ADAMTSL1: variants seen among roughly 807,000 people sequenced by gnomAD.
ADAMTSL1 encodes ADAMTS-like protein 1.
ADAMTSL1 carries 126 observed loss-of-function variants against 201.8 expected under a neutral mutation model. That is an observed-to-expected ratio of 0.62 (90% CI 0.54 to 0.72). The LOEUF (loss-of-function observed/expected upper bound fraction) is 0.72. Among genes scored for constraint, ADAMTSL1 ranks in the 30% least tolerant of loss-of-function variants. The probability of loss-of-function intolerance (pLI) is 0.00; values close to 1 mark genes in which losing one functional copy is unlikely to be tolerated. For missense variants in ADAMTSL1, 2,679 were observed against 2,277.8 expected (o/e 1.18, Z -3.59); for synonymous variants, 1,121 against 903.4 (o/e 1.24, Z -4.32).
At chr9:18,720,372 T>G (rs1323130660) in intron 14 of ADAMTSL1, among the ~76,000 whole-genome samples, 2 of 152,216 alleles carry the variant, frequency 1.3e-5, no homozygotes, top group Non-Finnish European at 2.9e-5. Flanking sequence ...GAATGATGCA[T>G]GCCAAGCTCT....
At chr9:18,065,504 A>T (rs1822654362) in intron 1 of ADAMTSL1, among the ~76,000 whole-genome samples, 1 of 152,182 alleles carries the variant, frequency 6.6e-6, no homozygotes, top group African/African-American at 2.4e-5. Context: ...AGTTAACTTA[A>T]AAGTGAACTT....
chr9:18,140,808 C>T (rs1826366462), intron 1 of ADAMTSL1, among the ~76,000 whole-genome samples: 1 of 152,084 alleles, frequency 6.6e-6, no homozygotes, highest in African/African-American at 2.4e-5. Flanking sequence ...TTCTGCACAC[C>T]ATCAAAAAAT....
At chr9:18,390,732 C>T (rs112702484) in intron 2 of ADAMTSL1, among the ~76,000 whole-genome samples, 5 of 152,016 alleles carry the variant, frequency 3.3e-5, no homozygotes, top group Non-Finnish European at 5.9e-5. Flanking sequence ...TCAGCACCAA[C>T]GTTTTCTCGA....
chr9:17,907,698 T>A (rs1432166680), intron 1 of ADAMTSL1, among the ~76,000 whole-genome samples: 1 of 152,164 alleles, frequency 6.6e-6, no homozygotes, highest in Non-Finnish European at 1.5e-5. Flanking sequence ...AGTGGTTTAT[T>A]ATCACAAGAC....
intron 2 of ADAMTSL1, among the ~76,000 whole-genome samples, chr9:18,362,603 T>C (rs7028032): frequency 0.57 from 86,284 of 152,056 alleles, 24,640 homozygotes; most frequent in East Asian, 0.64. Flanking sequence ...CCAAAACATA[T>C]AATCCATAAT....
At chr9:18,159,523 T>C (rs1338492577) in intron 1 of ADAMTSL1, among the ~76,000 whole-genome samples, 1 of 152,040 alleles carries the variant, frequency 6.6e-6, no homozygotes, top group Non-Finnish European at 1.5e-5. Context: ...CATAATCAGC[T>C]CCCATCATAA....
intron 2 of ADAMTSL1, among the ~76,000 whole-genome samples, chr9:18,402,957 T>A (rs1818041716): frequency 6.6e-6 from 1 of 152,146 alleles, no homozygotes; most frequent in South Asian, 2.1e-4. Flanking sequence ...CAGAATCTTA[T>A]GAGGTTGACT....
Position 18,660,984 on chromosome 9 carries a change from C to T in ADAMTSL1, c.947-951C>T, listed in dbSNP as rs537901846. Among the ~76,000 whole-genome samples the T allele has an allele frequency of 3.9e-5, 6 of 152,118 alleles. No individual in the cohort carries two copies. In the South Asian group the frequency reaches 1.2e-3, roughly 32 times the overall value. On this transcript the variant is annotated intron_variant, in intron 8 of 28. Transcript: ENST00000380548. Reference sequence around the variant, plus strand: ...TGTATTTAGCAATAACCGTGTTCAACCCACCTGCTAGGGATAATGTATTTG... The same window carrying T: ...TGTATTTAGCAATAACCGTGTTCAATCCACCTGCTAGGGATAATGTATTTG...
chr9:18,742,210 C>T (rs557025925), intron 15 of ADAMTSL1, among the ~76,000 whole-genome samples: 26 of 152,242 alleles, frequency 1.7e-4, no homozygotes, highest in African/African-American at 6.0e-4. Flanking sequence ...GGAATTAAGA[C>T]TAATATATCT....
intron 1 of ADAMTSL1, among the ~76,000 whole-genome samples, chr9:18,086,455 A>G (rs1365140210): frequency 6.6e-6 from 1 of 152,184 alleles, no homozygotes; most frequent in African/African-American, 2.4e-5. Flanking sequence ...TTTAAGAGCC[A>G]TCATATAATC....
intron 23 of ADAMTSL1, among the ~76,000 whole-genome samples, chr9:18,833,692 A>T (rs1413558105): frequency 6.6e-6 from 1 of 152,046 alleles, no homozygotes; most frequent in Non-Finnish European, 1.5e-5. Flanking sequence ...ACGCTCTTTA[A>T]TTAGATCTTG....
Position 18,574,271 on chromosome 9 carries a change from G to A in ADAMTSL1, c.474+5G>A. ...TGCATCAGTGGTTTATGCCAAGTAA[G>A]TGCTGATTTGTTCTCATTCAACTTG... On this transcript the variant is annotated splice_donor_5th_base_variant and intron_variant, in intron 4 of 28. Coordinates refer to ENST00000380548, the MANE Select transcript of ADAMTSL1 (RefSeq NM_001040272.6). 6.2e-7 allele frequency: 1 copy of A among 1,610,628 alleles called. No individual in the cohort carries two copies. Among genetic ancestry groups the A allele is most frequent in the Non-Finnish European group, 8.5e-7 (1 of 1,176,810 alleles).
intron 2 of ADAMTSL1, among the ~76,000 whole-genome samples, chr9:18,353,446 A>G (rs2133039074): frequency 6.6e-6 from 1 of 152,352 alleles, no homozygotes; most frequent in Non-Finnish European, 1.5e-5. Flanking sequence ...ATTCGTGGAC[A>G]TCCATAATAT....
intron 1 of ADAMTSL1, among the ~76,000 whole-genome samples, chr9:18,075,863 GT>G (rs1823198283): frequency 6.6e-6 from 1 of 152,184 alleles, no homozygotes; most frequent in Non-Finnish European, 1.5e-5. Flanking sequence ...AAGGTGCTGA[GT>G]GAATATTTAT....
intron 2 of ADAMTSL1, among the ~76,000 whole-genome samples, chr9:18,403,049 C>T (rs1281922734): frequency 6.6e-6 from 1 of 152,218 alleles, no homozygotes; most frequent in Middle Eastern, 3.4e-3. Context: ...TAGTAAATGG[C>T]AGAGCTGTGG....
chr9:17,936,627 C>T (rs1442422958), intron 1 of ADAMTSL1, among the ~76,000 whole-genome samples: 1 of 152,180 alleles, frequency 6.6e-6, no homozygotes, highest in Admixed American at 6.5e-5. Context: ...TGGTCTCTCC[C>T]TTTTCCTACC....
In ADAMTSL1 at chr9:18,777,571, G is replaced by T; in HGVS notation, c.3342G>T (p.Glu1114Asp). 2 of 1,609,626 alleles carry T rather than the reference G, an allele frequency of 1.2e-6. No individual in the cohort carries two copies. The highest frequency in any genetic ancestry group is 1.7e-6 in the Non-Finnish European group (2 of 1,178,196). The change falls in exon 19 of 29, where the codon GAG becomes GAT. Residue 1114 changes from glutamate to aspartate, a missense_variant. By Grantham distance (45) the Glu-to-Asp change is conservative (BLOSUM62 2). Transcript: ENST00000380548. ...LAQEIFRSHLEHQDTLLKPSE... is the reference protein window; with the variant it reads ...LAQEIFRSHLDHQDTLLKPSE... ...AGGAGATCTTCCGCAGCCACCTGGAGCACCAGGACACGCTCCTGAAGCCCT... is the reference window on the plus strand; with the variant it reads ...AGGAGATCTTCCGCAGCCACCTGGATCACCAGGACACGCTCCTGAAGCCCT...
intron 18 of ADAMTSL1, 42 bp downstream of exon 18, chr9:18,775,938 C>T (rs1820958649): frequency 6.4e-7 from 1 of 1,564,132 alleles, no homozygotes. Context: ...ATGAAACCCA[C>T]ACAGCAGCAG....
At chr9:18,259,335 G>A (rs923936748) in intron 2 of ADAMTSL1, among the ~76,000 whole-genome samples, 2 of 151,944 alleles carry the variant, frequency 1.3e-5, no homozygotes, top group African/African-American at 2.4e-5. Flanking sequence ...GACCAGCCTG[G>A]GCGACACGGT....
Sources: allele counts gnomAD v4.1 joint callset (sites outside exome capture counted in the v4.1 genomes callset), GRCh38; gene constraint gnomAD v4.1.1; transcripts MANE v1.5; gene names NCBI Gene and HGNC (gene_info 2026-07-23, HGNC 2026-07-21).